EPHA3: variants seen among roughly 807,000 people sequenced by gnomAD.
EPHA3 encodes the protein EPH receptor A3.
EPHA3 carries 42 observed loss-of-function variants against 107.1 expected under a neutral mutation model. The observed-to-expected ratio is 0.39, with a 90% CI of 0.31 to 0.51. The LOEUF is 0.51. EPHA3 is among the 20% of genes least tolerant of loss of function. The probability of loss-of-function intolerance (pLI) is 0.78; values close to 1 mark genes in which losing one functional copy is unlikely to be tolerated. For missense variants in EPHA3, 1,183 were observed against 1,211.2 expected (o/e 0.98, Z 0.35); for synonymous variants, 461 against 424.8 (o/e 1.09, Z -1.05).
intron 3 of EPHA3, among the ~76,000 whole-genome samples, chr3:89,333,959 G>A (rs1707344618): frequency 6.6e-6 from 1 of 151,786 alleles, no homozygotes; most frequent in Non-Finnish European, 1.5e-5. Context: ...TTTTAATACT[G>A]TGCTTATTTT....
chr3:89,109,017 G>T (rs767534571), intron 1 of EPHA3, among the ~76,000 whole-genome samples: 4 of 151,998 alleles, frequency 2.6e-5, no homozygotes, highest in Non-Finnish European at 5.9e-5. Context: ...TTAAAAACAC[G>T]AGTAAAAACA....
chr3:89,327,466 T>C lies in EPHA3; in HGVS notation c.815-13450T>C, dbSNP rs545872073. Among the ~76,000 whole-genome samples, 31 of 152,252 alleles carry C rather than the reference T, an allele frequency of 2.0e-4. No homozygotes were observed. In the South Asian group the frequency reaches 6.0e-3, roughly 30 times the overall value. ...CCACACTATGTATCATCAAATAAAC[T>C]GTAAGCGCTAAGAAACCAAGACTTA... On this transcript the variant is annotated intron_variant, in intron 3 of 16. Transcript: ENST00000336596.
intron 15 of EPHA3, among the ~76,000 whole-genome samples, chr3:89,454,819 C>G (rs1710064593): frequency 6.6e-6 from 1 of 151,922 alleles, no homozygotes; most frequent in Non-Finnish European, 1.5e-5. Flanking sequence ...TAGCAAGACC[C>G]CCATCCCTAC....
intron 5 of EPHA3, among the ~76,000 whole-genome samples, chr3:89,393,158 G>C (rs1050620695): frequency 2.6e-5 from 4 of 152,146 alleles, no homozygotes; most frequent in Admixed American, 6.5e-5. Flanking sequence ...TGACTTATTA[G>C]GGGTCCAAAA....
At chr3:89,219,688 G>GTGGTTTTTTTTTTTTTT in intron 3 of EPHA3, among the ~76,000 whole-genome samples, 1 of 34,440 alleles carries the variant, frequency 2.9e-5, no homozygotes, top group Non-Finnish European at 5.2e-5. Context: ...ATTTGGCAAT[G>GTGGTTTTTTTTTTTTTT]TTTTTTTTTT....
chr3:89,188,269 C>T (rs1241825103), intron 2 of EPHA3, among the ~76,000 whole-genome samples: 1 of 152,140 alleles, frequency 6.6e-6, no homozygotes, highest in Admixed American at 6.5e-5. Context: ...CTATCATAGG[C>T]ACGTGAATGA....
chr3:89,469,953 A>G (rs1710367802), intron 15 of EPHA3, among the ~76,000 whole-genome samples: 1 of 152,152 alleles, frequency 6.6e-6, no homozygotes, highest in Admixed American at 6.5e-5. Context: ...ATATAAGAAA[A>G]ATATGAAGTT....
chr3:89,110,027 A>G (rs184047987), intron 1 of EPHA3, among the ~76,000 whole-genome samples: 1 of 152,134 alleles, frequency 6.6e-6, no homozygotes, highest in African/African-American at 2.4e-5. Flanking sequence ...AGTATGTGCC[A>G]AGATTTCCGT....
intron 2 of EPHA3, among the ~76,000 whole-genome samples, chr3:89,128,169 C>T (rs1451996782): frequency 6.6e-6 from 1 of 152,112 alleles, no homozygotes; most frequent in Non-Finnish European, 1.5e-5. Context: ...TGTTGGCGTT[C>T]AGTCTTTAGA....
Position 89,368,281 on chromosome 3 carries a change from C to A in EPHA3, c.1306+26191C>A, listed in dbSNP as rs1324358575. ...AAGTGTTAGAGTACATTATTTAAAG[C>A]AATCTTCATTAATTAAAAAAAGACA... On this transcript the variant is annotated intron_variant, in intron 5 of 16. Coordinates refer to ENST00000336596, the MANE Select transcript of EPHA3 (RefSeq NM_005233.6). Among the ~76,000 whole-genome samples, 3 of 150,084 alleles carry A rather than the reference C, an allele frequency of 2.0e-5. 1 individual carries two copies. The highest frequency in any genetic ancestry group is 4.5e-5 in the Non-Finnish European group (3 of 67,046).
At chr3:89,401,269 T>C (rs747899081) in intron 7 of EPHA3, among the ~76,000 whole-genome samples, 1 of 152,210 alleles carries the variant, frequency 6.6e-6, no homozygotes, top group Non-Finnish European at 1.5e-5. Flanking sequence ...AATGTTAATG[T>C]TTTTAGAAAT....
chr3:89,141,975 C>G (rs1262914878), intron 2 of EPHA3, among the ~76,000 whole-genome samples: 2 of 151,236 alleles, frequency 1.3e-5, no homozygotes, highest in African/African-American at 4.8e-5. Context: ...TAATGTACTT[C>G]TAGAGTTTTA....
rs144510303 is a variant in EPHA3, at chr3:89,159,675, C to A, written c.153+32402C>A. On this transcript the variant is annotated intron_variant, in intron 2 of 16. Transcript: ENST00000336596. Reference sequence around the variant, plus strand: ...TGTATCTAAATATAGGAAAGTGGCTCATTTTCTTGGAATCCAAAGCGGATA... The same window carrying A: ...TGTATCTAAATATAGGAAAGTGGCTAATTTTCTTGGAATCCAAAGCGGATA... Among the ~76,000 whole-genome samples the A allele has an allele frequency of 5.9e-5, 9 of 152,190 alleles. No individual in the cohort carries two copies. In the East Asian group the frequency reaches 1.7e-3, roughly 29 times the overall value.
chr3:89,253,169 C>A (rs1235659640), intron 3 of EPHA3, among the ~76,000 whole-genome samples: 1 of 151,996 alleles, frequency 6.6e-6, no homozygotes, highest in Admixed American at 6.5e-5. Context: ...CAAAGTTTTC[C>A]CTGTTAATAA....
At chr3:89,169,069 G>T (rs1309265457) in intron 2 of EPHA3, among the ~76,000 whole-genome samples, 4 of 152,116 alleles carry the variant, frequency 2.6e-5, no homozygotes, top group Non-Finnish European at 4.4e-5. Context: ...TGGAGGTTTG[G>T]ACAGACAGGC....
At chr3:89,245,455 T>C (rs748863805) in intron 3 of EPHA3, among the ~76,000 whole-genome samples, 7 of 152,226 alleles carry the variant, frequency 4.6e-5, no homozygotes, top group Admixed American at 1.3e-4. Flanking sequence ...TTTATATAAC[T>C]TGTAATTGAT....
intron 13 of EPHA3, among the ~76,000 whole-genome samples, chr3:89,432,782 C>G (rs1709593640): frequency 6.6e-6 from 1 of 152,012 alleles, no homozygotes; most frequent in East Asian, 1.9e-4. Flanking sequence ...TGGGATTATA[C>G]TTTATATACT....
intron 2 of EPHA3, among the ~76,000 whole-genome samples, chr3:89,194,430 TAAG>T (rs1005793077): frequency 2.6e-4 from 40 of 152,132 alleles, no homozygotes; most frequent in African/African-American, 9.4e-4. Flanking sequence ...GGTCTAAGAG[TAAG>T]AAGATCTGGT....
chr3:89,303,019 G>A (rs566532066), intron 3 of EPHA3, among the ~76,000 whole-genome samples: 1 of 151,934 alleles, frequency 6.6e-6, no homozygotes, highest in South Asian at 2.1e-4. Flanking sequence ...CAGCTTCCCG[G>A]GTACCTGGGA....
Sources: gnomAD v4.1 joint callset for allele counts (sites outside exome capture counted in the v4.1 genomes callset) on GRCh38, gnomAD v4.1.1 for gene constraint, MANE v1.5 for transcripts, NCBI Gene and HGNC (gene_info 2026-07-23, HGNC 2026-07-21) for gene names.